RACK1: variants seen among roughly 807,000 people sequenced by gnomAD.
RACK1 encodes the protein small ribosomal subunit protein RACK1.
In RACK1, 3 loss-of-function variants were observed where a neutral mutation model predicts 42.2. The ratio of observed to expected loss-of-function variants is 0.07; its 90% confidence interval spans 0.03 to 0.18. RACK1 has a LOEUF of 0.18. RACK1 is among the 10% of genes least tolerant of loss of function. The pLI is 1.00. For missense variants in RACK1, 146 were observed against 403.2 expected (o/e 0.36, Z 5.46); for synonymous variants, 181 against 154.8 (o/e 1.17, Z -1.25).
chr5:181,241,454 A>G (rs1482376015), intron 3 of RACK1, 38 bp downstream of exon 3: 15 of 1,533,478 alleles, frequency 9.8e-6, no homozygotes, highest in Non-Finnish European at 1.3e-5. Context: ...GCAAAGTTTA[A>G]GAGGGTGGAA....
At chr5:181,241,316 G>A in intron 3 of RACK1, 176 bp downstream of exon 3, 1 of 600,184 alleles carries the variant, frequency 1.7e-6, no homozygotes, top group Non-Finnish European at 2.9e-6. Context: ...TGTAGTACCA[G>A]CTACTCGGGA....
chr5:181,237,759 CAAG>C (rs145268208), intron 6 of RACK1, 40 bp from the exon 7 acceptor site: 77,573 of 1,083,632 alleles, frequency 0.072, 6,072 homozygotes, highest in African/African-American at 0.29. Flanking sequence ...ACTTACCAAT[CAAG>C]AGAGTCTCCT....
chr5:181,243,333 A>G (rs1223863843), intron 1 of RACK1: 3 of 1,368,362 alleles, frequency 2.2e-6, no homozygotes, highest in Middle Eastern at 2.1e-4. Flanking sequence ...CAGCCTCTGG[A>G]TTTCAGCACC....
intron 1 of RACK1, 33 bp downstream of exon 1, chr5:181,243,659 A>G (rs1401320324): frequency 6.4e-7 from 1 of 1,562,004 alleles, no homozygotes; most frequent in African/African-American, 1.4e-5. Context: ...CAGCCCTGCA[A>G]TCTCGGGTCC....
At position 181,243,726 on chromosome 5, in the gene RACK1, C is replaced by T; in HGVS notation, c.75G>A (p.Pro25=). 6.2e-7 allele frequency: 1 copy of T among 1,609,000 alleles called. No homozygotes were observed. Among genetic ancestry groups the T allele is most frequent in the Admixed American group, 1.7e-5 (1 of 59,218 alleles). Residue 25 remains proline (P), a synonymous_variant, in exon 1 of 8, where the codon CCG becomes CCA. Coordinates refer to ENST00000512805, the MANE Select transcript of RACK1 (RefSeq NM_006098.5). ...NGWVTQIATT[P]QFPDMILSAS... is the part of the protein sequence containing the mutation. Reference sequence around the variant, plus strand: ...CGGAGAGGATCATGTCCGGGAACTGCGGGGTAGTAGCGATCTGGGTTACCC... The same window carrying T: ...CGGAGAGGATCATGTCCGGGAACTGTGGGGTAGTAGCGATCTGGGTTACCC...
rs547119101 is a variant in RACK1, at chr5:181,238,749, A to C, written c.636+318T>G. The C allele has an allele frequency of 1.4e-4, 52 of 378,408 alleles. 1 individual carries two copies. The East Asian group carries it at 1.8e-3, about 13-fold the overall frequency. The allele number at this position is 378,408 out of a possible 1,614,324, so 23.4% of individuals were successfully genotyped here. A position where few individuals can be genotyped will look rare whatever the true frequency, so the allele number is the denominator to read the frequency against. On this transcript the variant is annotated intron_variant, in intron 5 of 7. Transcript: ENST00000512805. Reference sequence around the variant, plus strand: ...CCCGGGAGATGGTTGCAGTGAGCCGAGATCGCGCCACTGCACTCCAGCCTT... The same window carrying C: ...CCCGGGAGATGGTTGCAGTGAGCCGCGATCGCGCCACTGCACTCCAGCCTT...
rs1554104293 is a variant in RACK1, at chr5:181,236,923, TAA to T, written c.*52_*53del. ...TTTTTGCATATAAGAAAAAAAAACC[TAA>T]AAGTCAGAAAAGCCAGTTTTTTTTT... On this transcript the variant is annotated 3_prime_UTR_variant, in exon 8 of 8. Transcript: ENST00000512805. The T allele has an allele frequency of 2.6e-6, 4 of 1,553,246 alleles. No homozygotes were observed. Among genetic ancestry groups the T allele is most frequent in the African/African-American group, 1.4e-5 (1 of 69,944 alleles).
chr5:181,241,929 G>A, intron 2 of RACK1: 1 of 767,440 alleles, frequency 1.3e-6, no homozygotes, highest in South Asian at 1.4e-5. Context: ...AGCTTTCAAG[G>A]TAAAACATGT....
At chr5:181,242,015 TTA>T in intron 2 of RACK1, 157 bp downstream of exon 2, 1 of 793,580 alleles carries the variant, frequency 1.3e-6, no homozygotes, top group South Asian at 1.4e-5. Flanking sequence ...GCTGAGTAAC[TTA>T]TTTAAAGTGA....
At position 181,237,949 on chromosome 5, in the gene RACK1, A is replaced by G. The variant is rs576170505; in HGVS notation, c.777+150T>C. ...CCTGGAATGTACAGGACTGCACACC[A>G]CAACAGAGTTACTCAGACCAAAATG... On this transcript the variant is annotated intron_variant, in intron 6 of 7. Coordinates refer to ENST00000512805, the MANE Select transcript of RACK1 (RefSeq NM_006098.5). 22 of 799,034 alleles carry G rather than the reference A, an allele frequency of 2.8e-5. No individual in the cohort carries two copies. The South Asian group carries it at 3.2e-4, about 12-fold the overall frequency. The allele number at this position is 799,034 out of a possible 1,614,324, so 49.5% of individuals were successfully genotyped here. A position where few individuals can be genotyped will look rare whatever the true frequency, so the allele number is the denominator to read the frequency against.
Position 181,241,608 on chromosome 5 carries a change from T to C in RACK1, c.313A>G (p.Thr105Ala). The C allele has an allele frequency of 6.2e-7, 1 of 1,614,092 alleles. No homozygotes were observed. The highest frequency in any genetic ancestry group is 8.5e-7 in the Non-Finnish European group (1 of 1,180,012). The change falls in exon 3 of 8, where the codon ACC becomes GCC. Residue 105 changes from threonine (T) to alanine (A), a missense_variant. Physicochemically the swap from Thr to Ala is moderately conservative, Grantham distance 58 (BLOSUM62 0). Transcript: ENST00000512805. ...GTTTRRFVGHTKDVLSVAFSS... is the reference protein window; with the variant it reads ...GTTTRRFVGHAKDVLSVAFSS... ...AAGGCCACACTCAGCACATCCTTGG[T>C]ATGGCCCACAAATCGCCTCGTGGTG...
Position 181,236,945 on chromosome 5 carries a change from T to G in RACK1, c.*32A>C, listed in dbSNP as rs745416693. ...ACCTAAAAGTCAGAAAAGCCAGTTTTTTTTTTATTTGTAAAGCTCTGCCAT... is the reference window on the plus strand; with the variant it reads ...ACCTAAAAGTCAGAAAAGCCAGTTTGTTTTTTATTTGTAAAGCTCTGCCAT... On this transcript the variant is annotated 3_prime_UTR_variant, in exon 8 of 8. Coordinates refer to ENST00000512805, the MANE Select transcript of RACK1 (RefSeq NM_006098.5). The G allele has an allele frequency of 3.2e-6, 5 of 1,565,818 alleles. No homozygotes were observed. The highest frequency in any genetic ancestry group is 1.2e-5 in the South Asian group (1 of 84,244).
At chr5:181,240,416 T>A (rs1391983361) in intron 3 of RACK1, 1 of 152,282 alleles carries the variant, frequency 6.6e-6, no homozygotes, top group Admixed American at 6.6e-5. Context: ...ATCACAGCAG[T>A]TTGGGAGGCT....
At chr5:181,242,607 G>T in intron 1 of RACK1, 1 of 516,366 alleles carries the variant, frequency 1.9e-6, no homozygotes, top group Non-Finnish European at 3.7e-6. Context: ...GCCCAGGCTG[G>T]AGTGCAGTGG....
chr5:181,239,315 G>C lies in RACK1; in HGVS notation c.526-138C>G, dbSNP rs543316137. On this transcript the variant is annotated intron_variant, in intron 4 of 7. Transcript: ENST00000512805. ...AACATGTCCTGGCCACTTCACGTTA[G>C]ATTATAACACATATCCAATGCAGTG... 12 of 764,854 alleles carry C rather than the reference G, an allele frequency of 1.6e-5. No homozygotes were observed. In the East Asian group the frequency reaches 3.0e-4, roughly 19 times the overall value. 47.4% of individuals were successfully genotyped at this position (764,854 alleles called of 1,614,324 possible). A position where few individuals can be genotyped will look rare whatever the true frequency, so the allele number is the denominator to read the frequency against.
At chr5:181,243,492 T>C in intron 1 of RACK1, 200 bp downstream of exon 1, 2 of 1,441,552 alleles carry the variant, frequency 1.4e-6, no homozygotes, top group Non-Finnish European at 1.8e-6. Context: ...ACGTAGGTTC[T>C]CATCTGCAAT....
chr5:181,243,512 C>T, intron 1 of RACK1, 180 bp downstream of exon 1: 3 of 1,419,908 alleles, frequency 2.1e-6, no homozygotes, highest in Non-Finnish European at 2.8e-6. Flanking sequence ...TGTGGTTCGC[C>T]CGGGTTGAGG....
At chr5:181,237,561 A>G in intron 7 of RACK1, 48 bp downstream of exon 7, 2 of 956,438 alleles carry the variant, frequency 2.1e-6, no homozygotes, top group Non-Finnish European at 3.5e-6. Context: ...AATGAGAGGG[A>G]GAAAATTAAC....
At chr5:181,241,874 ATC>A (rs1229907337) in intron 2 of RACK1, 1 of 768,330 alleles carries the variant, frequency 1.3e-6, no homozygotes, top group Non-Finnish European at 2.4e-6. Context: ...TGACAATGCC[ATC>A]TGTCATCACC....
Sources: gnomAD v4.1 joint callset for allele counts on GRCh38, gnomAD v4.1.1 for gene constraint, MANE v1.5 for transcripts, NCBI Gene and HGNC (gene_info 2026-07-23, HGNC 2026-07-21) for gene names.